NUMA1: variants seen among roughly 807,000 people sequenced by gnomAD.
The protein encoded by NUMA1 is nuclear mitotic apparatus protein 1.
NUMA1 carries 62 observed loss-of-function variants against 237.1 expected under a neutral mutation model. That is an observed-to-expected ratio of 0.26 (90% CI 0.21 to 0.32). The LOEUF is 0.32. Among genes scored for constraint, NUMA1 ranks in the 10% least tolerant of loss-of-function variants. NUMA1 has a pLI of 1.00. For missense variants in NUMA1, 2,533 were observed against 2,666.5 expected, an observed-to-expected ratio of 0.95 and a Z score of 1.10; for synonymous variants, 1,028 against 1,066.1, an observed-to-expected ratio of 0.96 and a Z score of 0.70.
At chr11:72,056,654 A>AAAAAAAG in intron 2 of NUMA1, among the ~76,000 whole-genome samples, 2 of 123,484 alleles carry the variant, frequency 1.6e-5, no homozygotes, top group Admixed American at 8.6e-5. Context: ...AAAAAAAAAA[A>AAAAAAAG]AAAAAAGGCA....
At chr11:72,008,280 T>TC (rs1159199172) in intron 20 of NUMA1, 3 of 374,134 alleles carry the variant, frequency 8.0e-6, no homozygotes, top group Non-Finnish European at 1.5e-5. Flanking sequence ...CTTCCAAGGT[T>TC]CCTTTTTTTT....
intron 19 of NUMA1, 57 bp downstream of exon 19, chr11:72,008,910 A>G: frequency 6.2e-7 from 1 of 1,612,214 alleles, no homozygotes. Context: ...CTAGGAGGAG[A>G]GGGCACAGGG....
intron 4 of NUMA1, among the ~76,000 whole-genome samples, chr11:72,028,047 A>G (rs1321941248): frequency 2.6e-5 from 4 of 152,246 alleles, no homozygotes; most frequent in Non-Finnish European, 5.9e-5. Context: ...ATATTAAAAA[A>G]TCCTGTAAGA....
intron 22 of NUMA1, 30 bp downstream of exon 22, chr11:72,006,005 G>T: frequency 6.6e-7 from 1 of 1,518,424 alleles, no homozygotes. Flanking sequence ...TCTAATTTTG[G>T]GGTATAGTAA....
Position 72,013,498 on chromosome 11 carries a change from C to A in NUMA1, c.4005G>T (p.Lys1335Asn). ...AGAGGGCCTGCTCTTTCTGGAAGAA[C>A]TTCTCCTGCCACGCCTTCAATTCTT... ...LGQELKAWQE[K>N]FFQKEQALST... The change falls in exon 15 of 27, where the codon AAG (lysine) becomes AAT (asparagine). Residue 1335 changes from lysine (K) to asparagine (N), a missense_variant. Around this residue, in one of 3 missense-constraint regions of NUMA1, gnomAD observed 324 missense variants for 407.6 expected, o/e 0.79. Coordinates refer to ENST00000393695, the MANE Select transcript of NUMA1 (RefSeq NM_006185.4). The surrounding 1 kb of genome is among the most constrained non-coding windows in gnomAD (Gnocchi z 6.8). 6.2e-7 allele frequency: 1 copy of A among 1,613,454 alleles called. No individual in the cohort carries two copies. The highest frequency in any genetic ancestry group is 1.7e-5 in the Admixed American group (1 of 60,020).
intron 3 of NUMA1, among the ~76,000 whole-genome samples, chr11:72,033,964 T>C (rs1007013907): frequency 6.6e-6 from 1 of 152,120 alleles, no homozygotes; most frequent in Non-Finnish European, 1.5e-5. Context: ...ACAAAAAGTT[T>C]TTTAAAATTA....
chr11:72,008,630 G>T (rs777655065), intron 20 of NUMA1, 58 bp downstream of exon 20: 1 of 1,554,942 alleles, frequency 6.4e-7, no homozygotes, highest in Non-Finnish European at 8.9e-7. Context: ...CTAGGATACA[G>T]CCTGATAAAC....
At chr11:72,017,861 GAGTCAA>G (rs1271883899) in intron 12 of NUMA1, 34 bp from the exon 13 acceptor site, 2 of 1,463,886 alleles carry the variant, frequency 1.4e-6, no homozygotes, top group African/African-American at 4.3e-5. Flanking sequence ...CCATCACCCA[GAGTCAA>G]CGCTGACCCC....
In NUMA1 at chr11:72,003,551, C is replaced by G; in HGVS notation, c.6337-13G>C. ...TTTAGTGCTTTGCCTGAAAGAGACACAGTCACATGGCCAGATGAGAACTTG... is the reference window on the plus strand; with the variant it reads ...TTTAGTGCTTTGCCTGAAAGAGACAGAGTCACATGGCCAGATGAGAACTTG... On this transcript the variant is annotated splice_polypyrimidine_tract_variant and intron_variant, in intron 26 of 26. Coordinates refer to ENST00000393695, the MANE Select transcript of NUMA1 (RefSeq NM_006185.4). The G allele has an allele frequency of 1.2e-6, 2 of 1,614,170 alleles. No homozygotes were observed. The highest frequency in any genetic ancestry group is 2.2e-5 in the South Asian group (2 of 91,082).
intron 1 of NUMA1, among the ~76,000 whole-genome samples, chr11:72,071,268 C>G (rs553059543): frequency 1.9e-4 from 29 of 152,316 alleles, no homozygotes; most frequent in South Asian, 6.2e-4. Context: ...TTAGACAACA[C>G]AAATAAGTGC....
chr11:72,031,992 G>T (rs28569089), intron 3 of NUMA1, among the ~76,000 whole-genome samples: 1 of 22,804 alleles, frequency 4.4e-5, no homozygotes. Flanking sequence ...AAAAAAAAGA[G>T]AGAGAAAGGA....
chr11:72,013,016 C>A lies in NUMA1; in HGVS notation c.4487G>T (p.Arg1496Leu). Residue 1496 changes from arginine (R) to leucine (L), a missense_variant, in exon 15 of 27, where the codon CGA becomes CTA. By Grantham distance (102) the Arg-to-Leu change is moderately radical (BLOSUM62 -2). Around this residue, in one of 3 missense-constraint regions of NUMA1, gnomAD observed 324 missense variants for 407.6 expected, o/e 0.79. Transcript: ENST00000393695. This position sits in a 1 kb window ranked among gnomAD's most constrained non-coding sequence, Gnocchi z 6.8. ...CTCCCGGGCAGTGCTCTGTGCTTCT[C>A]GCTGCACCTCAGCCAGACGGGTCTC... ...DAETRLAEVQ[R>L]EAQSTARELE... is the part of the protein sequence containing the mutation. The A allele has an allele frequency of 6.2e-7, 1 of 1,614,190 alleles. No individual in the cohort carries two copies. Among genetic ancestry groups the A allele is most frequent in the African/African-American group, 1.3e-5 (1 of 75,036 alleles).
intron 2 of NUMA1, among the ~76,000 whole-genome samples, chr11:72,051,797 A>G (rs1200071366): frequency 6.6e-6 from 1 of 152,160 alleles, no homozygotes; most frequent in African/African-American, 2.4e-5. Flanking sequence ...ACTTGAGTTT[A>G]TAATCTTGTA....
chr11:72,036,018 T>C, intron 2 of NUMA1, 43 bp from the exon 3 acceptor site: 2 of 1,442,748 alleles, frequency 1.4e-6, no homozygotes, highest in Middle Eastern at 1.7e-4. Flanking sequence ...TCATATCAGA[T>C]ATCCATGATC....
intron 15 of NUMA1, 49 bp from the exon 16 acceptor site, chr11:72,012,491 A>C (rs769192666): frequency 8.3e-6 from 13 of 1,568,896 alleles, no homozygotes; most frequent in Middle Eastern, 1.7e-4. Flanking sequence ...GAGGCCAAAG[A>C]AGCACCAGCC....
chr11:72,010,043 C>T (rs898329476), intron 17 of NUMA1, among the ~76,000 whole-genome samples: 1 of 152,194 alleles, frequency 6.6e-6, no homozygotes, highest in African/African-American at 2.4e-5. Flanking sequence ...GAAGCATCCC[C>T]CCTTTGCCTC....
intron 22 of NUMA1, 191 bp from the exon 23 acceptor site, chr11:72,005,560 C>G: frequency 1.7e-6 from 1 of 573,002 alleles, no homozygotes. Flanking sequence ...TGCTCACCAC[C>G]TTCTCCCTGG....
At position 72,015,138 on chromosome 11, in the gene NUMA1, G is replaced by A. The variant is rs1216046257; in HGVS notation, c.2365C>T (p.Leu789=). 6.2e-7 allele frequency: 1 copy of A among 1,613,314 alleles called. No individual in the cohort carries two copies. The highest frequency in any genetic ancestry group is 8.5e-7 in the Non-Finnish European group (1 of 1,180,036). The change falls in exon 15 of 27, where the codon CTG becomes TTG. Residue 789 remains leucine (L), a synonymous_variant. Coordinates refer to ENST00000393695, the MANE Select transcript of NUMA1 (RefSeq NM_006185.4). This position sits in a 1 kb window ranked among gnomAD's most constrained non-coding sequence, Gnocchi z 4.0. ...QAETEVLRRE[L]AEAMAAQHTA... The stretch of plus-strand genomic sequence containing the variant: ...TGCTGGGCAGCCATGGCCTCTGCCA[G>A]CTCCCGCCGCAGGACTTCAGTCTCA...
chr11:72,020,158 C>T (rs967338698), intron 8 of NUMA1, among the ~76,000 whole-genome samples: 1 of 152,214 alleles, frequency 6.6e-6, no homozygotes, highest in East Asian at 1.9e-4. Flanking sequence ...TCTGCTCCTC[C>T]CTCCTCTACC....
Sources: allele counts gnomAD v4.1 joint callset (sites outside exome capture counted in the v4.1 genomes callset), GRCh38; gene constraint gnomAD v4.1.1; regional missense constraint gnomAD v4.1.1; non-coding constraint Gnocchi (gnomAD v3.1); transcripts MANE v1.5; gene names NCBI Gene and HGNC (gene_info 2026-07-23, HGNC 2026-07-21).